The following ANXA2 variants were observed in gnomAD, a reference collection of about 807,000 sequenced individuals.
ANXA2 encodes annexin II.
In ANXA2, 28 loss-of-function variants were observed where a neutral mutation model predicts 47.3. That is an observed-to-expected ratio of 0.59 (90% confidence interval 0.44 to 0.81). The LOEUF (loss-of-function observed/expected upper bound fraction) is 0.81, where lower values mean the gene tolerates loss of function less well. Among genes scored for constraint, ANXA2 ranks in the 40% least tolerant of loss-of-function variants. The probability of loss-of-function intolerance (pLI) is 0.00; values close to 1 mark genes in which losing one functional copy is unlikely to be tolerated. For synonymous variants in ANXA2, 172 were observed against 155.5 expected, an observed-to-expected ratio of 1.11 and a Z score of -0.79; for missense variants, 384 against 414.3, an observed-to-expected ratio of 0.93 and a Z score of 0.64.
intron 1 of ANXA2, among the ~76,000 whole-genome samples, chr15:60,394,856 T>C (rs2063060769): frequency 6.6e-6 from 1 of 152,138 alleles, no homozygotes; most frequent in Admixed American, 6.6e-5. Flanking sequence ...GGACTGCCTC[T>C]GGCAACAGCA....
intron 1 of ANXA2, chr15:60,393,029 T>A: frequency 3.9e-6 from 5 of 1,287,904 alleles, no homozygotes; most frequent in Non-Finnish European, 4.0e-6. Flanking sequence ...CATCTTTATT[T>A]ATCAGAACCT....
At chr15:60,385,304 C>A (rs1304932501) in intron 2 of ANXA2, among the ~76,000 whole-genome samples, 1 of 152,008 alleles carries the variant, frequency 6.6e-6, no homozygotes, top group Admixed American at 6.5e-5. Context: ...ATGGTGGCTC[C>A]CACCTGTAAT....
intron 1 of ANXA2, among the ~76,000 whole-genome samples, chr15:60,392,097 C>T (rs1214007364): frequency 6.6e-6 from 1 of 152,154 alleles, no homozygotes; most frequent in Non-Finnish European, 1.5e-5. Context: ...ATACCCACCT[C>T]AAACTGGTTT....
At chr15:60,374,419 C>T (rs183233701) in intron 3 of ANXA2, 24 of 455,164 alleles carry the variant, frequency 5.3e-5, no homozygotes, top group Non-Finnish European at 8.8e-5. Context: ...TGAACAGATG[C>T]GAGAGAAACC....
Position 60,347,748 on chromosome 15 carries a change from A to G in ANXA2, c.961-59T>C, listed in dbSNP as rs1895787185. Reference sequence around the variant, plus strand: ...ATCAGAAAAAAGCCCAGACTCCTCAATAACACAGAAGTAGCCTCAACGCAC... The same window carrying G: ...ATCAGAAAAAAGCCCAGACTCCTCAGTAACACAGAAGTAGCCTCAACGCAC... On this transcript the variant is annotated intron_variant, in intron 12 of 12. Coordinates refer to ENST00000451270, the MANE Select transcript of ANXA2 (RefSeq NM_004039.3). 6.9e-6 allele frequency: 10 copies of G among 1,445,524 alleles called. No homozygotes were observed. The South Asian group carries it at 9.2e-5, about 13-fold the overall frequency. The allele number at this position is 1,445,524 out of a possible 1,614,324, so 89.5% of individuals were successfully genotyped here.
At chr15:60,360,104 A>C (rs555024096) in intron 5 of ANXA2, among the ~76,000 whole-genome samples, 1 of 152,234 alleles carries the variant, frequency 6.6e-6, no homozygotes, top group South Asian at 2.1e-4. Context: ...TAAAAATACA[A>C]AATTAGCTGG....
chr15:60,391,093 T>C (rs1471032324), intron 1 of ANXA2: 2 of 152,266 alleles, frequency 1.3e-5, no homozygotes, highest in Non-Finnish European at 2.9e-5. Flanking sequence ...AATGCAGACT[T>C]CCACCCTGCA....
rs143802363 is a variant in ANXA2, at chr15:60,371,609, G to A, written c.149-7086C>T. Among the ~76,000 whole-genome samples, 34 of 152,310 alleles carry A rather than the reference G, an allele frequency of 2.2e-4. No homozygotes were observed. The East Asian group carries it at 6.2e-3, about 28-fold the overall frequency. ...TGCACAAAGAAAATGGATTTCATTT[G>A]TGTTTGATGAAGGTCTCGGGAGAGT... On this transcript the variant is annotated intron_variant, in intron 3 of 12. Coordinates refer to ENST00000451270, the MANE Select transcript of ANXA2 (RefSeq NM_004039.3).
Position 60,352,283 on chromosome 15 carries a change from C to G in ANXA2, c.682+100G>C. The G allele has an allele frequency of 2.7e-6, 2 of 749,996 alleles. No individual in the cohort carries two copies. Among genetic ancestry groups the G allele is most frequent in the South Asian group, 3.5e-5 (2 of 56,714 alleles). 46.5% of individuals were successfully genotyped at this position (749,996 alleles called of 1,614,324 possible). A position where few individuals can be genotyped will look rare whatever the true frequency, so the allele number is the denominator to read the frequency against. On this transcript the variant is annotated intron_variant, in intron 9 of 12. Transcript: ENST00000451270. This position sits in a 1 kb window ranked among gnomAD's most constrained non-coding sequence, Gnocchi z 4.2. ...AGCCTATGAGAGTGCCAAGCGGAGA[C>G]AGAACCTCATTCTGGCAGACTCCAT...
intron 3 of ANXA2, among the ~76,000 whole-genome samples, chr15:60,375,362 G>C (rs1184820575): frequency 1.3e-5 from 2 of 152,144 alleles, no homozygotes; most frequent in African/African-American, 4.8e-5. Flanking sequence ...AGCTGTACCA[G>C]TTTATTGGCA....
chr15:60,347,723 A>T (rs1895785818), intron 12 of ANXA2, 34 bp from the exon 13 acceptor site: 1 of 1,604,156 alleles, frequency 6.2e-7, no homozygotes, highest in African/African-American at 1.3e-5. Context: ...GAAACGTGGT[A>T]TCAGAAAAAA....
chr15:60,373,875 G>A (rs917868194), intron 3 of ANXA2, among the ~76,000 whole-genome samples: 2 of 152,172 alleles, frequency 1.3e-5, no homozygotes, highest in African/African-American at 4.8e-5. Context: ...TGTGAAATAT[G>A]GGGCAAAGAA....
chr15:60,396,168 G>A (rs990490695), intron 1 of ANXA2: 1 of 152,024 alleles, frequency 6.6e-6, no homozygotes, highest in African/African-American at 2.4e-5. Flanking sequence ...TTGGACTCAA[G>A]AGATCCACTA....
At chr15:60,392,984 G>T in intron 1 of ANXA2, 1 of 1,215,674 alleles carries the variant, frequency 8.2e-7, no homozygotes. Flanking sequence ...GAGGAGAGGG[G>T]TTCCCACTGT....
At chr15:60,368,683 T>A (rs992026417) in intron 3 of ANXA2, among the ~76,000 whole-genome samples, 1 of 152,176 alleles carries the variant, frequency 6.6e-6, no homozygotes, top group Non-Finnish European at 1.5e-5. Context: ...ATAGTGATCA[T>A]GTGAGTGATG....
intron 10 of ANXA2, 199 bp downstream of exon 10, chr15:60,351,525 T>A: frequency 3.2e-6 from 2 of 620,676 alleles, no homozygotes; most frequent in Non-Finnish European, 5.8e-6. Flanking sequence ...CTCTTACTCC[T>A]CCCTGGCAAC....
At chr15:60,348,610 T>G (rs1200159573) in intron 12 of ANXA2, among the ~76,000 whole-genome samples, 12 of 151,402 alleles carry the variant, frequency 7.9e-5, no homozygotes, top group Non-Finnish European at 1.8e-4. Context: ...CCGGGTGTGG[T>G]GGCGGGCGCC....
chr15:60,364,643 A>T, intron 3 of ANXA2, 120 bp from the exon 4 acceptor site: 1 of 646,982 alleles, frequency 1.5e-6, no homozygotes, highest in South Asian at 2.3e-5. Context: ...AAACTGAAAT[A>T]CCCAGACACC....
Position 60,352,323 on chromosome 15 carries a change from C to A in ANXA2, c.682+60G>T. ...GCAGACTCCATCCCAACATGGACAT[C>A]CACCCAGCCGCCCCAGCCAGGGCCC... On this transcript the variant is annotated intron_variant, in intron 9 of 12. Coordinates refer to ENST00000451270, the MANE Select transcript of ANXA2 (RefSeq NM_004039.3). This position sits in a 1 kb window ranked among gnomAD's most constrained non-coding sequence, Gnocchi z 4.2. 1.6e-6 allele frequency: 2 copies of A among 1,225,140 alleles called. No individual in the cohort carries two copies. Among genetic ancestry groups the A allele is most frequent in the Non-Finnish European group, 2.4e-6 (2 of 841,890 alleles). 75.9% of individuals were successfully genotyped at this position (1,225,140 alleles called of 1,614,324 possible).
Sources: allele counts gnomAD v4.1 joint callset (sites outside exome capture counted in the v4.1 genomes callset), GRCh38; gene constraint gnomAD v4.1.1; non-coding constraint Gnocchi (gnomAD v3.1); transcripts MANE v1.5; gene names NCBI Gene and HGNC (gene_info 2026-07-23, HGNC 2026-07-21).